Variants in STXBP5L observed in about 807,000 individuals in gnomAD.
The protein encoded by STXBP5L is syntaxin-binding protein 5-like.
A neutral mutation model predicts 144.5 loss-of-function variants in STXBP5L; 65 were observed. That is an observed-to-expected ratio of 0.45 (90% CI 0.37 to 0.55). The LOEUF (loss-of-function observed/expected upper bound fraction) is 0.55, where lower values mean the gene tolerates loss of function less well. STXBP5L is among the 20% of genes least tolerant of loss of function. The probability of loss-of-function intolerance (pLI) is 0.00; values close to 1 mark genes in which losing one functional copy is unlikely to be tolerated. For synonymous variants in STXBP5L, 505 were observed against 469.6 expected, an observed-to-expected ratio of 1.08 and a Z score of -0.97; for missense variants, 1,298 against 1,405.5, an observed-to-expected ratio of 0.92 and a Z score of 1.22.
At chr3:120,921,717 T>G (rs533130489) in intron 2 of STXBP5L, among the ~76,000 whole-genome samples, 1 of 152,044 alleles carries the variant, frequency 6.6e-6, no homozygotes, top group South Asian at 2.1e-4. Flanking sequence ...CACCATTTGT[T>G]GAAGAAACTC....
At chr3:120,983,309 G>C (rs1295270836) in intron 3 of STXBP5L, among the ~76,000 whole-genome samples, 1 of 152,084 alleles carries the variant, frequency 6.6e-6, no homozygotes, top group African/African-American at 2.4e-5. Context: ...TGTATATCGG[G>C]GCAGGCGTCT....
At chr3:121,210,200 T>C in intron 10 of STXBP5L, among the ~76,000 whole-genome samples, 1 of 152,224 alleles carries the variant, frequency 6.6e-6, no homozygotes, top group Non-Finnish European at 1.5e-5. Flanking sequence ...ATGAGCATTT[T>C]TTCATGTGTC....
intron 5 of STXBP5L, among the ~76,000 whole-genome samples, chr3:121,068,898 T>C (rs2041673625): frequency 6.6e-6 from 1 of 152,222 alleles, no homozygotes; most frequent in Non-Finnish European, 1.5e-5. Context: ...CTTTTTAAAA[T>C]ACTTTTTTAT....
chr3:121,091,952 A>G (rs1465137288), intron 5 of STXBP5L, among the ~76,000 whole-genome samples: 2 of 152,080 alleles, frequency 1.3e-5, no homozygotes, highest in African/African-American at 2.4e-5. Context: ...TAATTTTTGT[A>G]TAAGGTGTAA....
chr3:121,119,914 A>G (rs117095217), intron 6 of STXBP5L, among the ~76,000 whole-genome samples: 1 of 151,398 alleles, frequency 6.6e-6, no homozygotes, highest in East Asian at 1.9e-4. Flanking sequence ...CAGAAGTAGA[A>G]TATTCTATAG....
intron 3 of STXBP5L, among the ~76,000 whole-genome samples, chr3:121,040,652 T>C (rs914681294): frequency 5.3e-5 from 8 of 152,050 alleles, no homozygotes; most frequent in Non-Finnish European, 7.4e-5. Flanking sequence ...TGAACTCTAG[T>C]TGTCCCTGGC....
At chr3:121,208,270 G>A (rs986237623) in intron 10 of STXBP5L, among the ~76,000 whole-genome samples, 3 of 149,424 alleles carry the variant, frequency 2.0e-5, no homozygotes, top group Admixed American at 1.4e-4. Context: ...ACTCATAGGT[G>A]GGAACTGAAC....
At chr3:120,943,093 A>G (rs1688686) in intron 2 of STXBP5L, among the ~76,000 whole-genome samples, 100,164 of 151,368 alleles carry the variant, frequency 0.66, 33,716 homozygotes, top group Admixed American at 0.72. Flanking sequence ...TTCCATGAAA[A>G]AGAAAAAGTA....
At chr3:121,172,525 T>A (rs926425424) in intron 9 of STXBP5L, among the ~76,000 whole-genome samples, 1 of 152,190 alleles carries the variant, frequency 6.6e-6, no homozygotes, top group African/African-American at 2.4e-5. Context: ...GCAAAGGGTA[T>A]CTACAGGTAC....
At chr3:121,315,539 C>T (rs1003028370) in intron 19 of STXBP5L, among the ~76,000 whole-genome samples, 13 of 151,322 alleles carry the variant, frequency 8.6e-5, no homozygotes, top group Admixed American at 4.6e-4. Context: ...TGCTAAATGA[C>T]AAGTTAATGG....
chr3:121,346,503 A>G (rs1218216102), intron 20 of STXBP5L, among the ~76,000 whole-genome samples: 1 of 152,000 alleles, frequency 6.6e-6, no homozygotes, highest in African/African-American at 2.4e-5. Context: ...TATTTCTAGT[A>G]CTAGATCCCT....
chr3:121,158,924 C>G (rs1476090347), intron 9 of STXBP5L: 1 of 151,844 alleles, frequency 6.6e-6, no homozygotes, highest in Non-Finnish European at 1.5e-5. Flanking sequence ...TTCTATTATT[C>G]TGCTTTTCTG....
At chr3:121,333,716 C>CAT (rs1284978089) in intron 20 of STXBP5L, among the ~76,000 whole-genome samples, 2 of 152,006 alleles carry the variant, frequency 1.3e-5, no homozygotes, top group Admixed American at 6.6e-5. Flanking sequence ...CAAAGAAATA[C>CAT]AAGTAACCAG....
chr3:121,006,669 G>C (rs911560395), intron 3 of STXBP5L, among the ~76,000 whole-genome samples: 7 of 152,142 alleles, frequency 4.6e-5, no homozygotes, highest in African/African-American at 1.4e-4. Context: ...AATTTGGCAT[G>C]TTTTTGCAGT....
chr3:121,329,255 T>C (rs192802242), intron 20 of STXBP5L, among the ~76,000 whole-genome samples: 121 of 152,330 alleles, frequency 7.9e-4, no homozygotes, highest in Admixed American at 3.7e-3. Flanking sequence ...TGAAATGCCA[T>C]CTGTCAACCT....
At chr3:120,930,167 T>C (rs1043882140) in intron 2 of STXBP5L, among the ~76,000 whole-genome samples, 8 of 115,382 alleles carry the variant, frequency 6.9e-5, no homozygotes, top group Non-Finnish European at 9.6e-5. Context: ...CTATTTTCTT[T>C]TTTTTTTTTT....
chr3:121,161,241 T>C (rs1036728574), intron 9 of STXBP5L, among the ~76,000 whole-genome samples: 10 of 87,840 alleles, frequency 1.1e-4, no homozygotes, highest in Non-Finnish European at 2.1e-4. Flanking sequence ...TTGCTTTTGC[T>C]TTTTTTTTTT....
Position 121,227,568 on chromosome 3 carries a change from T to G in STXBP5L, c.1111+4411T>G, listed in dbSNP as rs552557569. 3.5e-4 allele frequency among the ~76,000 whole-genome samples: 53 copies of G among 152,142 alleles called. No homozygotes were observed. The South Asian group carries it at 8.7e-3, about 25-fold the overall frequency. On this transcript the variant is annotated intron_variant, in intron 11 of 26. Transcript: ENST00000471454. Reference sequence around the variant, plus strand: ...CTGTACTCCAGCCTGGGGAACAGAGTAAGACTGTTTCAAAAAATTTTTTTT... The same window carrying G: ...CTGTACTCCAGCCTGGGGAACAGAGGAAGACTGTTTCAAAAAATTTTTTTT...
At chr3:121,040,057 T>C (rs1363197143) in intron 3 of STXBP5L, among the ~76,000 whole-genome samples, 1 of 150,678 alleles carries the variant, frequency 6.6e-6, no homozygotes, top group Non-Finnish European at 1.5e-5. Context: ...ATAATAAATG[T>C]TTTACTATCT....
Sources: allele counts gnomAD v4.1 joint callset (sites outside exome capture counted in the v4.1 genomes callset), GRCh38; gene constraint gnomAD v4.1.1; transcripts MANE v1.5; gene names NCBI Gene and HGNC (gene_info 2026-07-23, HGNC 2026-07-21).